KSR1: variants seen among roughly 807,000 people sequenced by gnomAD.
The protein encoded by KSR1 is kinase suppressor of ras.
A neutral mutation model predicts 92.9 loss-of-function variants in KSR1; 35 were observed. That is an observed-to-expected ratio of 0.38 (90% CI 0.29 to 0.50). The LOEUF is 0.50. KSR1 is among the 20% of genes least tolerant of loss of function. KSR1 has a pLI of 0.94. For synonymous variants in KSR1, 467 were observed against 472.6 expected (o/e 0.99, Z 0.15); for missense variants, 972 against 1,158.5 (o/e 0.84, Z 2.34).
At chr17:27,498,383 A>G (rs954414941) in intron 1 of KSR1, among the ~76,000 whole-genome samples, 4 of 151,702 alleles carry the variant, frequency 2.6e-5, no homozygotes, top group African/African-American at 9.7e-5. Flanking sequence ...AACTCTACTT[A>G]CACACAACTT....
intron 3 of KSR1, among the ~76,000 whole-genome samples, chr17:27,581,028 T>C (rs2072731273): frequency 1.3e-5 from 2 of 152,088 alleles, no homozygotes; most frequent in Admixed American, 1.3e-4. Flanking sequence ...ATAATTTATA[T>C]AAAAAAGAGG....
At chr17:27,458,326 G>C (rs2019277357) in intron 1 of KSR1, among the ~76,000 whole-genome samples, 1 of 152,198 alleles carries the variant, frequency 6.6e-6, no homozygotes, top group Non-Finnish European at 1.5e-5. Flanking sequence ...GGCCTGTGAG[G>C]CTCAGTTCCG....
chr17:27,578,833 T>C (rs2072626385), intron 3 of KSR1: 1 of 152,246 alleles, frequency 6.6e-6, no homozygotes, highest in Non-Finnish European at 1.5e-5. Flanking sequence ...ATGCACCTAC[T>C]GTGTGCCAGG....
chr17:27,491,334 TG>T (rs1223379747), intron 1 of KSR1, among the ~76,000 whole-genome samples: 2 of 139,328 alleles, frequency 1.4e-5, no homozygotes, highest in Non-Finnish European at 3.1e-5. Flanking sequence ...TGTGTGTGTG[TG>T]TGTGTGTGTG....
intron 1 of KSR1, among the ~76,000 whole-genome samples, chr17:27,494,576 C>T (rs899384448): frequency 3.3e-5 from 5 of 152,136 alleles, no homozygotes; most frequent in African/African-American, 4.8e-5. Flanking sequence ...TAATGTTTCC[C>T]CAGAGACTAA....
intron 15 of KSR1, 142 bp downstream of exon 15, chr17:27,608,152 C>T: frequency 1.6e-6 from 1 of 625,728 alleles, no homozygotes; most frequent in Non-Finnish European, 2.9e-6. Context: ...AAGGGTGGGA[C>T]CCCATCTCTT....
intron 1 of KSR1, among the ~76,000 whole-genome samples, chr17:27,545,965 G>T (rs2151077956): frequency 6.6e-6 from 1 of 152,342 alleles, no homozygotes; most frequent in South Asian, 2.1e-4. Flanking sequence ...ACCCTTGAAG[G>T]CCATGTGCCA....
At chr17:27,604,989 G>T (rs1404164202) in intron 13 of KSR1, among the ~76,000 whole-genome samples, 16 of 152,238 alleles carry the variant, frequency 1.1e-4, no homozygotes, top group Non-Finnish European at 1.8e-4. Context: ...GAACAAAAGT[G>T]TCAGCCAAGG....
intron 3 of KSR1, among the ~76,000 whole-genome samples, chr17:27,581,314 A>G (rs539013308): frequency 6.6e-6 from 1 of 152,294 alleles, no homozygotes; most frequent in East Asian, 1.9e-4. Flanking sequence ...CCCCACCTCC[A>G]ACATTGGGAT....
rs531838621 is a variant in KSR1 at position 27,472,668 on chromosome 17, C to T, written c.231+15794C>T. ...AAGTACAAAAATTAGCCGGGCATGG[C>T]GGTGGGTGCCTGTAATCCCAGCTAC... On this transcript the variant is annotated intron_variant, in intron 1 of 20. Transcript: ENST00000644974. Among the ~76,000 whole-genome samples the T allele has an allele frequency of 8.7e-4, 133 of 152,184 alleles. 1 individual carries two copies. Among genetic ancestry groups the T allele is most frequent in the Middle Eastern group, 6.8e-3 (2 of 294 alleles).
At chr17:27,528,412 C>T (rs1368218940) in intron 1 of KSR1, among the ~76,000 whole-genome samples, 1 of 151,996 alleles carries the variant, frequency 6.6e-6, no homozygotes, top group African/African-American at 2.4e-5. Flanking sequence ...TTGGAAGAAA[C>T]TGAAGCTCAG....
chr17:27,570,163 A>AG (rs1320666836), intron 2 of KSR1, among the ~76,000 whole-genome samples: 1 of 152,196 alleles, frequency 6.6e-6, no homozygotes, highest in Non-Finnish European at 1.5e-5. Flanking sequence ...CCAGGGATAG[A>AG]GCGGTGTGGG....
At chr17:27,571,588 G>C (rs1450355380) in intron 2 of KSR1, among the ~76,000 whole-genome samples, 1 of 152,186 alleles carries the variant, frequency 6.6e-6, no homozygotes, top group Non-Finnish European at 1.5e-5. Flanking sequence ...CCAGTTCCTG[G>C]GGAAAGGTCT....
chr17:27,609,924 G>T, intron 16 of KSR1, 143 bp from the exon 17 acceptor site: 3 of 1,006,704 alleles, frequency 3.0e-6, no homozygotes, highest in South Asian at 1.6e-5. Flanking sequence ...TTTCCCAAGT[G>T]CAGGGTCAGT....
Position 27,590,779 on chromosome 17 carries a change from T to A in KSR1, c.1047-32T>A, listed in dbSNP as rs1457633649. 3 of 1,590,924 alleles carry A rather than the reference T, an allele frequency of 1.9e-6. No individual in the cohort carries two copies. In the African/African-American group the frequency reaches 4.0e-5, roughly 21 times the overall value. On this transcript the variant is annotated intron_variant, in intron 6 of 20. Transcript: ENST00000644974. ...GGCTGGGCCTTGGCCTCCCAGCTGG[T>A]GCAAACATGTGCCTGTGTCCGCCCT...
At chr17:27,607,140 GA>G (rs1414160667) in intron 14 of KSR1, among the ~76,000 whole-genome samples, 1 of 152,126 alleles carries the variant, frequency 6.6e-6, no homozygotes, top group Non-Finnish European at 1.5e-5. Context: ...CCTGAAACAG[GA>G]AAATATTCAT....
intron 2 of KSR1, among the ~76,000 whole-genome samples, chr17:27,561,835 G>A (rs1468070873): frequency 2.6e-5 from 4 of 152,024 alleles, no homozygotes; most frequent in African/African-American, 9.7e-5. Flanking sequence ...GTACTGCTTG[G>A]TGTTTGTTTG....
Position 27,577,320 on chromosome 17 carries a change from G to T in KSR1, c.373-172G>T. The T allele has an allele frequency of 1.8e-6, 1 of 570,654 alleles. No homozygotes were observed. The highest frequency in any genetic ancestry group is 3.1e-6 in the Non-Finnish European group (1 of 324,412). 35.3% of individuals were successfully genotyped at this position (570,654 alleles called of 1,614,324 possible). On this transcript the variant is annotated intron_variant, in intron 2 of 20. Transcript: ENST00000644974. This position sits in a 1 kb window ranked among gnomAD's most constrained non-coding sequence, Gnocchi z 4.5. ...GCTGCTGTCTCTGGGAGCCTGGAGG[G>T]TGGGGGCCAGGGAGCTCTGCTTGTG...
chr17:27,588,186 C>T, intron 5 of KSR1: 1 of 243,060 alleles, frequency 4.1e-6, no homozygotes, highest in Non-Finnish European at 7.9e-6. Context: ...TGCCTTCTGC[C>T]TCTCCAGCCT....
Sources: allele counts gnomAD v4.1 joint callset (sites outside exome capture counted in the v4.1 genomes callset), GRCh38; gene constraint gnomAD v4.1.1; non-coding constraint Gnocchi (gnomAD v3.1); transcripts MANE v1.5; gene names NCBI Gene and HGNC (gene_info 2026-07-23, HGNC 2026-07-21).